The following SMYD3 variants were observed in gnomAD, a reference collection of about 807,000 sequenced individuals.
The protein encoded by SMYD3 is histone-lysine N-methyltransferase SMYD3.
SMYD3 carries 36 observed loss-of-function variants against 57.7 expected under a neutral mutation model. That is an observed-to-expected ratio of 0.62 (90% CI 0.48 to 0.82). The LOEUF (loss-of-function observed/expected upper bound fraction) is 0.82. SMYD3 is among the 40% of genes least tolerant of loss of function. The probability of loss-of-function intolerance (pLI) is 0.00; values close to 1 mark genes in which losing one functional copy is unlikely to be tolerated. For missense variants in SMYD3, 515 were observed against 538.8 expected, an observed-to-expected ratio of 0.96 and a Z score of 0.44; for synonymous variants, 211 against 195.0, an observed-to-expected ratio of 1.08 and a Z score of -0.68.
At chr1:246,097,940 C>T (rs979101354) in intron 5 of SMYD3, among the ~76,000 whole-genome samples, 2 of 152,244 alleles carry the variant, frequency 1.3e-5, no homozygotes, top group South Asian at 4.1e-4. Context: ...TACAGACACC[C>T]GTCTACATTA....
intron 7 of SMYD3, among the ~76,000 whole-genome samples, chr1:245,919,015 G>A (rs929421285): frequency 6.6e-6 from 1 of 152,188 alleles, no homozygotes; most frequent in Non-Finnish European, 1.5e-5. Context: ...GCCAACAGGA[G>A]ACTAGTTATT....
Position 246,158,314 on chromosome 1 carries a change from C to T in SMYD3, c.531+168887G>A, listed in dbSNP as rs1049600581. On this transcript the variant is annotated intron_variant, in intron 5 of 11. Transcript: ENST00000490107. ...ATGTACTTCCATCCTCTGAAATGCA[C>T]AGTAAGGGAAGAAGATCATCTTGAC... Among the ~76,000 whole-genome samples, 3 of 152,278 alleles carry T rather than the reference C, an allele frequency of 2.0e-5. No individual in the cohort carries two copies. The East Asian group carries it at 5.8e-4, about 29-fold the overall frequency.
chr1:246,437,890 A>C (rs2067403750), intron 1 of SMYD3, among the ~76,000 whole-genome samples: 1 of 152,262 alleles, frequency 6.6e-6, no homozygotes, highest in African/African-American at 2.4e-5. Flanking sequence ...AATAAAAAAC[A>C]CATAACAGCT....
intron 10 of SMYD3, among the ~76,000 whole-genome samples, chr1:245,836,579 T>C (rs1025294806): frequency 7.2e-5 from 11 of 152,228 alleles, no homozygotes; most frequent in Non-Finnish European, 1.3e-4. Flanking sequence ...GGATGCGTAT[T>C]TCTAGTCAGT....
intron 8 of SMYD3, among the ~76,000 whole-genome samples, chr1:245,882,775 A>G (rs149731160): frequency 3.4e-3 from 511 of 152,308 alleles, no homozygotes; most frequent in African/African-American, 0.011. Context: ...AAAACGTTTA[A>G]ATTAATAAAA....
chr1:245,810,627 G>A (rs910395569), intron 10 of SMYD3, among the ~76,000 whole-genome samples: 1 of 152,172 alleles, frequency 6.6e-6, no homozygotes, highest in Non-Finnish European at 1.5e-5. Context: ...CTGCGCTATG[G>A]ACCTGAGCAG....
At chr1:246,410,541 A>T (rs2066947729) in intron 1 of SMYD3, among the ~76,000 whole-genome samples, 2 of 152,184 alleles carry the variant, frequency 1.3e-5, no homozygotes, top group Admixed American at 6.5e-5. Flanking sequence ...ATGGTAGATA[A>T]GCTTTTTGAT....
chr1:245,955,489 G>A (rs1052728998), intron 5 of SMYD3, among the ~76,000 whole-genome samples: 3 of 151,776 alleles, frequency 2.0e-5, no homozygotes, highest in Non-Finnish European at 4.4e-5. Context: ...TCACTACTGC[G>A]ATCGCTCATA....
chr1:246,032,840 G>C (rs1297015882), intron 5 of SMYD3, among the ~76,000 whole-genome samples: 2 of 152,286 alleles, frequency 1.3e-5, no homozygotes, highest in East Asian at 3.9e-4. Context: ...TAGATTTGGA[G>C]AGTTCAGGCA....
chr1:246,143,971 T>C (rs1222430308), intron 5 of SMYD3, among the ~76,000 whole-genome samples: 1 of 152,248 alleles, frequency 6.6e-6, no homozygotes, highest in Non-Finnish European at 1.5e-5. Flanking sequence ...AACAGCAGCA[T>C]GGCTAACCAA....
intron 5 of SMYD3, among the ~76,000 whole-genome samples, chr1:246,079,978 G>A (rs1307704991): frequency 2.0e-5 from 3 of 152,162 alleles, no homozygotes; most frequent in Admixed American, 6.5e-5. Flanking sequence ...ATTAAGTAAG[G>A]AAAATTTCAA....
In SMYD3 at chr1:246,180,759, CAAAAAAAAAAAAAAAAAAAAA is replaced by C. The variant is rs61346746; in HGVS notation, c.531+146421_531+146441del. Reference sequence around the variant, plus strand: ...TGGGCAACAGAGCAAGACTCTGTCTCAAAAAAAAAAAAAAAAAAAAAAAAAAAAAAAAAAAAAACAACTCAG... The same window carrying C: ...TGGGCAACAGAGCAAGACTCTGTCTCAAAAAAAAAAAAAAAAACAACTCAG... On this transcript the variant is annotated intron_variant, in intron 5 of 11. Transcript: ENST00000490107. Among the ~76,000 whole-genome samples the C allele has an allele frequency of 4.3e-3, 125 of 29,242 alleles. 2 individuals are homozygous for C. The highest frequency in any genetic ancestry group is 0.013 in the African/African-American group (88 of 6,600). 19.2% of individuals were successfully genotyped at this position (29,242 alleles called of 152,430 possible).
intron 1 of SMYD3, among the ~76,000 whole-genome samples, chr1:246,382,934 C>T (rs1418912830): frequency 6.6e-6 from 1 of 152,202 alleles, no homozygotes; most frequent in Non-Finnish European, 1.5e-5. Context: ...CAGACACATG[C>T]TCCAGGCTCG....
intron 5 of SMYD3, among the ~76,000 whole-genome samples, chr1:246,227,655 A>C (rs1405146511): frequency 1.3e-5 from 2 of 151,960 alleles, no homozygotes; most frequent in Non-Finnish European, 2.9e-5. Flanking sequence ...GGAAGAAGGA[A>C]GAAGAAGACA....
chr1:246,166,900 C>T (rs1166321191), intron 5 of SMYD3, among the ~76,000 whole-genome samples: 1 of 152,194 alleles, frequency 6.6e-6, no homozygotes, highest in African/African-American at 2.4e-5. Context: ...TGTATCACTA[C>T]AGAGGAAAAC....
rs150065571 is a variant in SMYD3, at chr1:245,939,039, G to A, written c.532-9102C>T. Among the ~76,000 whole-genome samples, 301 of 152,006 alleles carry A rather than the reference G, an allele frequency of 2.0e-3. 2 individuals carry two copies. Among genetic ancestry groups the A allele is most frequent in the Middle Eastern group, 0.014 (4 of 294 alleles). ...CCTGAGGCTATATTCCCAGCTACTC[G>A]GGAGGGTGAGGCAGAATCACCTGAA... On this transcript the variant is annotated intron_variant, in intron 5 of 11. Transcript: ENST00000490107.
At chr1:245,751,359 T>C (rs985272051) in intron 11 of SMYD3, among the ~76,000 whole-genome samples, 5 of 152,286 alleles carry the variant, frequency 3.3e-5, no homozygotes, top group Admixed American at 3.3e-4. Context: ...CAGGAAAACT[T>C]TCCATTCTAC....
chr1:246,005,404 C>T (rs994859370), intron 5 of SMYD3, among the ~76,000 whole-genome samples: 11 of 152,230 alleles, frequency 7.2e-5, no homozygotes, highest in African/African-American at 2.7e-4. Flanking sequence ...ATTTGATTTT[C>T]AATCCTGGTT....
intron 8 of SMYD3, among the ~76,000 whole-genome samples, chr1:245,900,125 A>G (rs934249764): frequency 2.6e-5 from 4 of 152,074 alleles, no homozygotes; most frequent in Non-Finnish European, 5.9e-5. Context: ...CCCTAATTTT[A>G]ATATTAAACG....
Sources: gnomAD v4.1 joint callset for allele counts (sites outside exome capture counted in the v4.1 genomes callset) on GRCh38, gnomAD v4.1.1 for gene constraint, MANE v1.5 for transcripts, NCBI Gene and HGNC (gene_info 2026-07-23, HGNC 2026-07-21) for gene names.